The following CHMP4B variants were observed in gnomAD, a reference collection of about 807,000 sequenced individuals.
The protein encoded by CHMP4B is SNF7 homolog associated with Alix 1.
CHMP4B carries 1 observed loss-of-function variant against 25.1 expected under a neutral mutation model. The observed-to-expected ratio is 0.04, with a 90% CI of 0.01 to 0.19. CHMP4B has a LOEUF of 0.19. Among genes scored for constraint, CHMP4B ranks in the 10% least tolerant of loss-of-function variants. CHMP4B has a pLI of 1.00. For synonymous variants in CHMP4B, 101 were observed against 115.6 expected (o/e 0.87, Z 0.81); for missense variants, 151 against 289.7 (o/e 0.52, Z 3.48).
chr20:33,847,576 C>T (rs1979720485), intron 1 of CHMP4B, among the ~76,000 whole-genome samples: 1 of 152,162 alleles, frequency 6.6e-6, no homozygotes, highest in African/African-American at 2.4e-5. Flanking sequence ...GGTCAAATTG[C>T]TTGCCTTGAC....
At position 33,842,938 on chromosome 20, in the gene CHMP4B, A is replaced by G. The variant is rs530788627; in HGVS notation, c.191-5529A>G. On this transcript the variant is annotated intron_variant, in intron 1 of 4. Transcript: ENST00000217402. ...TTGCCCCTATACTGAACGCCCCCAG[A>G]TCTGGGACAGGCAGACTTGCCGTCC... is the stretch of plus-strand genomic sequence containing the variant. 3.3e-5 allele frequency among the ~76,000 whole-genome samples: 5 copies of G among 152,344 alleles called. No homozygotes were observed. In the South Asian group the frequency reaches 1.0e-3, roughly 32 times the overall value.
intron 1 of CHMP4B, among the ~76,000 whole-genome samples, chr20:33,835,779 T>A (rs2122800607): frequency 6.6e-6 from 1 of 152,372 alleles, no homozygotes; most frequent in South Asian, 2.1e-4. Context: ...GGTGCCAGCA[T>A]CTGCTGCTGG....
chr20:33,846,210 A>G (rs927885884), intron 1 of CHMP4B, among the ~76,000 whole-genome samples: 1 of 152,170 alleles, frequency 6.6e-6, no homozygotes, highest in Non-Finnish European at 1.5e-5. Context: ...CCTCTCTGCC[A>G]GTTACCTGGG....
chr20:33,849,416 T>A (rs1452411232), intron 2 of CHMP4B, among the ~76,000 whole-genome samples: 1 of 151,978 alleles, frequency 6.6e-6, no homozygotes, highest in Non-Finnish European at 1.5e-5. Flanking sequence ...CTGGCCAACA[T>A]AGTTGAAACC....
intron 3 of CHMP4B, 26 bp from the exon 4 acceptor site, chr20:33,852,051 G>A (rs202126662): frequency 1.1e-5 from 18 of 1,613,000 alleles, no homozygotes; most frequent in South Asian, 9.9e-5. Flanking sequence ...CAGGGAGGGC[G>A]CTCACTTTGT....
intron 1 of CHMP4B, among the ~76,000 whole-genome samples, chr20:33,827,171 C>G (rs1373968756): frequency 6.6e-6 from 1 of 152,198 alleles, no homozygotes; most frequent in Non-Finnish European, 1.5e-5. Flanking sequence ...CTGGCAGACC[C>G]CTAAGACTTT....
intron 1 of CHMP4B, among the ~76,000 whole-genome samples, chr20:33,835,202 T>G (rs915686828): frequency 6.6e-6 from 1 of 152,232 alleles, no homozygotes; most frequent in African/African-American, 2.4e-5. Context: ...ATGAGAAATC[T>G]TTGTCATCTT....
At chr20:33,839,160 T>G (rs1267836639) in intron 1 of CHMP4B, among the ~76,000 whole-genome samples, 1 of 152,146 alleles carries the variant, frequency 6.6e-6, no homozygotes, top group Non-Finnish European at 1.5e-5. Flanking sequence ...TTCTTGTAGC[T>G]TTGGTCCCTG....
In CHMP4B at chr20:33,813,721, T is replaced by TTTTG. The variant is rs373460449; in HGVS notation, c.190+2087_190+2090dup. On this transcript the variant is annotated intron_variant, in intron 1 of 4. Transcript: ENST00000217402. ...CTAGCTTAGTTTCTGGAGTTTGTTTTTTTGTTTGTTTGTTTGTTTGTTTGT... is the reference window on the plus strand; with the variant it reads ...CTAGCTTAGTTTCTGGAGTTTGTTTTTTTGTTTGTTTGTTTGTTTGTTTGTTTGT... Among the ~76,000 whole-genome samples, 56 of 152,122 alleles carry TTTTG rather than the reference T, an allele frequency of 3.7e-4. No homozygotes were observed. In the South Asian group the frequency reaches 6.3e-3, roughly 17 times the overall value.
chr20:33,819,067 G>A (rs1336017953), intron 1 of CHMP4B, among the ~76,000 whole-genome samples: 3 of 152,092 alleles, frequency 2.0e-5, no homozygotes, highest in Non-Finnish European at 4.4e-5. Flanking sequence ...GCGCCACCAA[G>A]CCCAGCTAAT....
intron 2 of CHMP4B, among the ~76,000 whole-genome samples, chr20:33,849,472 C>T (rs1326632855): frequency 5.3e-5 from 8 of 152,130 alleles, no homozygotes; most frequent in African/African-American, 1.4e-4. Context: ...TCGTGGCATG[C>T]GCCTGTAATC....
At chr20:33,820,888 T>G (rs1174461558) in intron 1 of CHMP4B, among the ~76,000 whole-genome samples, 1 of 152,182 alleles carries the variant, frequency 6.6e-6, no homozygotes, top group Non-Finnish European at 1.5e-5. Flanking sequence ...AGCGGGGACA[T>G]GAGAATGGAT....
At chr20:33,853,097 C>G (rs1601330667) in intron 4 of CHMP4B, among the ~76,000 whole-genome samples, 1 of 152,166 alleles carries the variant, frequency 6.6e-6, no homozygotes, top group African/African-American at 2.4e-5. Flanking sequence ...GTCCAGCAAG[C>G]CTCCTGGAGC....
chr20:33,819,921 A>G (rs1368898863), intron 1 of CHMP4B, among the ~76,000 whole-genome samples: 1 of 152,116 alleles, frequency 6.6e-6, no homozygotes, highest in South Asian at 2.1e-4. Context: ...TAATCCCAGC[A>G]CTTTGGGAGG....
intron 1 of CHMP4B, among the ~76,000 whole-genome samples, chr20:33,821,497 G>T (rs1302884036): frequency 6.6e-6 from 1 of 152,190 alleles, no homozygotes; most frequent in Non-Finnish European, 1.5e-5. Flanking sequence ...TCCCTGCAGA[G>T]GTTTGGAGAG....
intron 1 of CHMP4B, among the ~76,000 whole-genome samples, chr20:33,840,335 G>A (rs533004741): frequency 2.6e-5 from 4 of 151,890 alleles, no homozygotes; most frequent in East Asian, 1.9e-4. Context: ...AAAGAGAGGC[G>A]GGGGGGAAAC....
intron 1 of CHMP4B, among the ~76,000 whole-genome samples, chr20:33,824,420 A>G (rs1027219991): frequency 8.5e-5 from 13 of 152,190 alleles, no homozygotes; most frequent in African/African-American, 3.1e-4. Context: ...GTTGAGGAGC[A>G]CAAGGTTGGG....
chr20:33,833,971 G>T (rs1979325157), intron 1 of CHMP4B, among the ~76,000 whole-genome samples: 1 of 152,178 alleles, frequency 6.6e-6, no homozygotes, highest in Admixed American at 6.5e-5. Flanking sequence ...CAAAGGAATT[G>T]CCTGTTTCAT....
At chr20:33,851,323 C>G (rs535801835) in intron 3 of CHMP4B, among the ~76,000 whole-genome samples, 2 of 152,334 alleles carry the variant, frequency 1.3e-5, no homozygotes, top group South Asian at 4.1e-4. Flanking sequence ...AAGTAGCTAG[C>G]CTGCACCTTT....
Sources: gnomAD v4.1 joint callset for allele counts (sites outside exome capture counted in the v4.1 genomes callset) on GRCh38, gnomAD v4.1.1 for gene constraint, MANE v1.5 for transcripts, NCBI Gene and HGNC (gene_info 2026-07-23, HGNC 2026-07-21) for gene names.